The following CNGA1 variants were observed in gnomAD, a reference collection of about 807,000 sequenced individuals.
CNGA1 encodes cyclic nucleotide gated channel subunit alpha 1.
A neutral mutation model predicts 69.7 loss-of-function variants in CNGA1; 53 were observed. That is an observed-to-expected ratio of 0.76 (90% confidence interval 0.61 to 0.96). The LOEUF (loss-of-function observed/expected upper bound fraction) is 0.96. Ranked by LOEUF, CNGA1 falls within the 40% of genes least tolerant of loss-of-function variation. CNGA1 has a pLI of 0.00. For synonymous variants in CNGA1, 249 were observed against 283.5 expected (o/e 0.88, Z 1.22); for missense variants, 739 against 811.2 (o/e 0.91, Z 1.08).
intron 3 of CNGA1, among the ~76,000 whole-genome samples, chr4:47,955,168 C>CTTTTT (rs1739996737): frequency 9.3e-6 from 1 of 107,570 alleles, no homozygotes; most frequent in Admixed American, 1.2e-4. Flanking sequence ...TCTCTTTTTT[C>CTTTTT]TTTTCTTTTT....
chr4:47,940,818 CA>C lies in CNGA1; in HGVS notation c.596del (p.Leu199TrpfsTer7). On this transcript the variant is annotated frameshift_variant, in exon 10 of 11. Coordinates refer to ENST00000514170, the MANE Select transcript of CNGA1 (RefSeq NM_001379270.1). LOFTEE classifies it high-confidence loss of function. ...QSDYLEYWLI[L>X]DYVSDIVYLI... is the part of the protein sequence containing the mutation. ...AATAGACTATGTCTGATACGTAATC[CA>C]AAATGAGCCAATATTCTAGGTAATC... The C allele has an allele frequency of 6.2e-7, 1 of 1,612,358 alleles. No homozygotes were observed. The highest frequency in any genetic ancestry group is 8.5e-7 in the Non-Finnish European group (1 of 1,178,744).
At chr4:47,964,529 C>T (rs1740622933) in intron 3 of CNGA1, among the ~76,000 whole-genome samples, 1 of 151,850 alleles carries the variant, frequency 6.6e-6, no homozygotes, top group Non-Finnish European at 1.5e-5. Flanking sequence ...TAAATATTTT[C>T]CCCACTTGTT....
chr4:47,940,090 C>T (rs1026365719), intron 10 of CNGA1, among the ~76,000 whole-genome samples: 24 of 152,190 alleles, frequency 1.6e-4, no homozygotes, highest in African/African-American at 5.1e-4. Flanking sequence ...CCCTCTGATA[C>T]ATTACACTAG....
chr4:47,967,068 T>G (rs979135031), intron 3 of CNGA1, among the ~76,000 whole-genome samples: 1 of 151,972 alleles, frequency 6.6e-6, no homozygotes, highest in Non-Finnish European at 1.5e-5. Flanking sequence ...TTTGGGAGGC[T>G]GAGGCGGGTG....
intron 2 of CNGA1, among the ~76,000 whole-genome samples, chr4:47,999,111 T>C (rs963776041): frequency 1.3e-5 from 2 of 151,852 alleles, no homozygotes; most frequent in Middle Eastern, 3.2e-3. Flanking sequence ...ATAAGATGTT[T>C]TGAGAGAAAG....
chr4:47,974,989 T>C (rs1741275379), intron 3 of CNGA1, among the ~76,000 whole-genome samples: 1 of 152,186 alleles, frequency 6.6e-6, no homozygotes, highest in South Asian at 2.1e-4. Context: ...ATGAAAAATA[T>C]GTATAAGGCA....
chr4:47,937,656 G>C lies in CNGA1; in HGVS notation c.826C>G (p.Arg276Gly). Reference protein sequence around the residue: ...IRLNRLLRFSRMFEFFQRTET... With the variant: ...IRLNRLLRFSGMFEFFQRTET... ...GTTCTCTGGAAGAACTCAAACATACGAGAGAACCGTAACAACCTGTTTAAT... is the reference window on the plus strand; with the variant it reads ...GTTCTCTGGAAGAACTCAAACATACCAGAGAACCGTAACAACCTGTTTAAT... Residue 276 changes from arginine to glycine, a missense_variant, in exon 11 of 11, where the codon CGT becomes GGT. Arg to Gly is a moderately radical substitution (Grantham distance 125). Transcript: ENST00000514170. 6.2e-7 allele frequency: 1 copy of C among 1,614,106 alleles called. No individual in the cohort carries two copies. Among genetic ancestry groups the C allele is most frequent in the Non-Finnish European group, 8.5e-7 (1 of 1,180,018 alleles).
intron 2 of CNGA1, among the ~76,000 whole-genome samples, chr4:48,007,726 T>A (rs1211339731): frequency 6.6e-6 from 1 of 152,192 alleles, no homozygotes; most frequent in African/African-American, 2.4e-5. Context: ...TTAATAATAA[T>A]GGCATAGGAA....
chr4:48,007,584 C>T (rs1459423357), intron 2 of CNGA1, among the ~76,000 whole-genome samples: 1 of 151,944 alleles, frequency 6.6e-6, no homozygotes, highest in Non-Finnish European at 1.5e-5. Flanking sequence ...CCTTTTTAGA[C>T]CCAGGAGTCA....
intron 2 of CNGA1, among the ~76,000 whole-genome samples, chr4:47,981,940 C>T (rs1013373428): frequency 8.5e-5 from 13 of 152,240 alleles, no homozygotes; most frequent in African/African-American, 3.1e-4. Flanking sequence ...TAGTAGGATG[C>T]ACTTCATTAG....
intron 5 of CNGA1, among the ~76,000 whole-genome samples, chr4:47,950,908 T>G (rs748453820): frequency 6.6e-5 from 10 of 152,158 alleles, no homozygotes; most frequent in Non-Finnish European, 1.3e-4. Flanking sequence ...CCCTCTCACA[T>G]GTACTTGCTT....
rs564368919 is a variant in CNGA1, at chr4:47,974,106, AGATAGATAGATAGATAGAT to A, written c.-15+7268_-15+7286del. ...TAGATAGATAGATAGATAGATAGAT[AGATAGATAGATAGATAGAT>A]GATAGATAGCTAGATAAAACTTTAA... is the stretch of plus-strand genomic sequence containing the variant. On this transcript the variant is annotated intron_variant, in intron 3 of 10. Transcript: ENST00000514170. 4.7e-5 allele frequency among the ~76,000 whole-genome samples: 7 copies of A among 148,410 alleles called. No homozygotes were observed. The South Asian group carries it at 1.0e-3, about 22-fold the overall frequency.
At chr4:48,011,729 C>T (rs1378085835) in intron 1 of CNGA1, among the ~76,000 whole-genome samples, 2 of 152,090 alleles carry the variant, frequency 1.3e-5, no homozygotes, top group African/African-American at 4.8e-5. Flanking sequence ...AAAGGTGGGA[C>T]AATTTAAAAC....
intron 4 of CNGA1, 83 bp downstream of exon 4, chr4:47,952,500 T>C: frequency 1.0e-5 from 15 of 1,469,620 alleles, no homozygotes; most frequent in Non-Finnish European, 1.4e-5. Context: ...TTACAAATTA[T>C]AAAGCTAAAT....
In CNGA1 at chr4:47,942,025, A is replaced by G. The variant is rs942658506; in HGVS notation, c.545+16T>C. ...GGGTGAGATCCACAAAAAAAAAAAA[A>G]AAAAATTATAGACACCTGGCAATAA... On this transcript the variant is annotated intron_variant, in intron 9 of 10. Transcript: ENST00000514170. 2.6e-6 allele frequency: 4 copies of G among 1,561,672 alleles called. No homozygotes were observed. The highest frequency in any genetic ancestry group is 1.8e-6 in the Non-Finnish European group (2 of 1,138,994).
At chr4:47,985,305 T>C (rs1741930705) in intron 2 of CNGA1, among the ~76,000 whole-genome samples, 2 of 152,242 alleles carry the variant, frequency 1.3e-5, no homozygotes, top group African/African-American at 4.8e-5. Flanking sequence ...AAGTGGAAGA[T>C]ATATTTTCTG....
At chr4:47,983,007 T>C (rs908626223) in intron 2 of CNGA1, among the ~76,000 whole-genome samples, 2 of 152,142 alleles carry the variant, frequency 1.3e-5, no homozygotes, top group African/African-American at 2.4e-5. Flanking sequence ...TTTCGCCATG[T>C]TGGCCAGGCT....
chr4:48,005,210 G>C (rs904097448), intron 2 of CNGA1, among the ~76,000 whole-genome samples: 2 of 151,864 alleles, frequency 1.3e-5, no homozygotes, highest in African/African-American at 2.4e-5. Flanking sequence ...CTCCGCCTCC[G>C]AGGTTCAAGC....
At chr4:47,961,860 A>C (rs1740458539) in intron 3 of CNGA1, among the ~76,000 whole-genome samples, 1 of 152,242 alleles carries the variant, frequency 6.6e-6, no homozygotes, top group Non-Finnish European at 1.5e-5. Flanking sequence ...TGAAGTGATA[A>C]TAAAGTTATT....
Sources: gnomAD v4.1 joint callset for allele counts (sites outside exome capture counted in the v4.1 genomes callset) on GRCh38, gnomAD v4.1.1 for gene constraint, MANE v1.5 for transcripts, NCBI Gene and HGNC (gene_info 2026-07-23, HGNC 2026-07-21) for gene names.